Variants in DYDC1 observed in about 807,000 individuals in gnomAD.
DYDC1 encodes the protein DPY30 domain containing 1, also known as DPY30 domain-containing protein 1.
A neutral mutation model predicts 27.9 loss-of-function variants in DYDC1; 21 were observed. That is an observed-to-expected ratio of 0.75 (90% CI 0.53 to 1.08). The LOEUF is 1.08. Ranked by LOEUF, DYDC1 falls within the 50% of genes least tolerant of loss-of-function variation. The pLI is 0.00. For missense variants in DYDC1, 202 were observed against 205.9 expected (o/e 0.98, Z 0.12); for synonymous variants, 67 against 65.8 (o/e 1.02, Z -0.09).
At chr10:80,341,207 A>G (rs1842305600) in intron 4 of DYDC1, among the ~76,000 whole-genome samples, 1 of 152,054 alleles carries the variant, frequency 6.6e-6, no homozygotes, top group Admixed American at 6.5e-5. Context: ...TGCAGGAAAT[A>G]TGGGTCAAAC....
At chr10:80,356,174 T>A (rs1356188854) in intron 1 of DYDC1, 13 of 905,350 alleles carry the variant, frequency 1.4e-5, no homozygotes, top group Non-Finnish European at 1.7e-5. Flanking sequence ...GCCTGCCAAC[T>A]CCCTTAGCAT....
chr10:80,346,720 G>A (rs547068139), intron 3 of DYDC1, among the ~76,000 whole-genome samples: 21 of 151,240 alleles, frequency 1.4e-4, no homozygotes, highest in Admixed American at 3.3e-4. Flanking sequence ...TCAGCCTCCC[G>A]AAGTGCTGGG....
intron 6 of DYDC1, chr10:80,336,503 G>A (rs939758989): frequency 1.3e-5 from 3 of 224,642 alleles, no homozygotes; most frequent in African/African-American, 2.3e-5. Context: ...TTCACACACT[G>A]CACTCTCTCC....
chr10:80,342,639 T>C (rs1842373931), intron 3 of DYDC1, among the ~76,000 whole-genome samples: 1 of 152,232 alleles, frequency 6.6e-6, no homozygotes, highest in African/African-American at 2.4e-5. Context: ...TCTTTAAGCA[T>C]AGATGGGTCT....
intron 1 of DYDC1, chr10:80,356,289 T>G (rs1279124053): frequency 2.0e-6 from 2 of 985,478 alleles, no homozygotes; most frequent in African/African-American, 3.5e-5. Context: ...GAAAGCCCTT[T>G]CCCACAGAAA....
At chr10:80,356,658 C>T (rs1843387416) in intron 1 of DYDC1, 54 bp downstream of exon 1, 3 of 983,746 alleles carry the variant, frequency 3.0e-6, no homozygotes, top group South Asian at 9.4e-5. Flanking sequence ...CCGGACCCAG[C>T]GAAGCTAGGG....
chr10:80,355,821 T>C (rs1564669256), intron 1 of DYDC1, among the ~76,000 whole-genome samples: 1 of 152,066 alleles, frequency 6.6e-6, no homozygotes, highest in Non-Finnish European at 1.5e-5. Flanking sequence ...CTGGCACAAA[T>C]GAACCTAATT....
chr10:80,349,282 T>A (rs1342272918), intron 3 of DYDC1, among the ~76,000 whole-genome samples: 2 of 152,252 alleles, frequency 1.3e-5, no homozygotes, highest in Admixed American at 6.5e-5. Flanking sequence ...AAAACTTTTT[T>A]AAATTCTCAA....
Position 80,336,438 on chromosome 10 carries a change from T to C in DYDC1, c.505-253A>G, listed in dbSNP as rs74832217. On this transcript the variant is annotated intron_variant, in intron 6 of 6. Transcript: ENST00000372202. Reference sequence around the variant, plus strand: ...TCCTTCTTGTAGGCTCCTCTTCCTGTGGCCATCCCTTCAATGTTAGAATTG... The same window carrying C: ...TCCTTCTTGTAGGCTCCTCTTCCTGCGGCCATCCCTTCAATGTTAGAATTG... 4.0e-4 allele frequency: 314 copies of C among 785,386 alleles called. 2 individuals are homozygous for C. The East Asian group carries it at 0.029, about 72-fold the overall frequency. 48.7% of individuals were successfully genotyped at this position (785,386 alleles called of 1,614,324 possible). A position where few individuals can be genotyped will look rare whatever the true frequency, so the allele number is the denominator to read the frequency against.
chr10:80,344,451 T>C (rs1209755734), intron 3 of DYDC1, among the ~76,000 whole-genome samples: 1 of 152,206 alleles, frequency 6.6e-6, no homozygotes, highest in Middle Eastern at 3.2e-3. Flanking sequence ...CAGACAGATG[T>C]TCCCAACACT....
intron 3 of DYDC1, among the ~76,000 whole-genome samples, chr10:80,349,190 CCGCAGATAAATATTTTAAAAT>C (rs1297700599): frequency 2.0e-5 from 3 of 152,180 alleles, no homozygotes; most frequent in Admixed American, 6.5e-5. Context: ...CGCGCCCGGC[CCGCAGATAAATATTTTAAAAT>C]AGATTTTGAT....
intron 4 of DYDC1, 94 bp downstream of exon 4, chr10:80,342,175 A>G (rs1310524109): frequency 7.2e-6 from 9 of 1,253,516 alleles, no homozygotes; most frequent in Non-Finnish European, 1.0e-5. Flanking sequence ...TCAGACTACA[A>G]ATCCCATGGT....
At chr10:80,342,024 CAAAAA>C (rs60594545) in intron 4 of DYDC1, among the ~76,000 whole-genome samples, 2 of 108,952 alleles carry the variant, frequency 1.8e-5, no homozygotes. Flanking sequence ...GACTCCGTCT[CAAAAA>C]AAAAAAAAAA....
chr10:80,345,966 T>G (rs1842595182), intron 3 of DYDC1, among the ~76,000 whole-genome samples: 2 of 152,208 alleles, frequency 1.3e-5, no homozygotes, highest in Admixed American at 1.3e-4. Context: ...CTCAGCTTCC[T>G]GAGTAGCTGG....
chr10:80,341,880 C>T (rs747197143), intron 4 of DYDC1, among the ~76,000 whole-genome samples: 1 of 151,970 alleles, frequency 6.6e-6, no homozygotes, highest in Non-Finnish European at 1.5e-5. Context: ...CAAAATCAGC[C>T]GGGCGTGGTG....
At chr10:80,352,078 TA>T (rs1843025534) in intron 2 of DYDC1, 76 bp from the exon 3 acceptor site, 1 of 1,348,032 alleles carries the variant, frequency 7.4e-7, no homozygotes, top group Non-Finnish European at 1.1e-6. Flanking sequence ...TGAAAGCACT[TA>T]ATAGGAACAA....
At chr10:80,336,027 T>C, downstream of DYDC1, 1 of 645,202 alleles carries the variant, frequency 1.5e-6, no homozygotes, top group Non-Finnish European at 2.7e-6. Context: ...TTGAAGCCCA[T>C]TCATAAGCAG....
intron 6 of DYDC1, chr10:80,336,391 C>T: frequency 1.0e-6 from 1 of 963,476 alleles, no homozygotes; most frequent in South Asian, 4.8e-5. Flanking sequence ...CTTTCTTCTA[C>T]TTCTCTTACT....
intron 6 of DYDC1, chr10:80,336,453 T>C (rs1842138108): frequency 1.5e-6 from 1 of 665,224 alleles, no homozygotes; most frequent in South Asian, 6.8e-5. Context: ...ATCCCTTCAA[T>C]GTTAGAATTG....
Sources: allele counts gnomAD v4.1 joint callset (sites outside exome capture counted in the v4.1 genomes callset), GRCh38; gene constraint gnomAD v4.1.1; transcripts MANE v1.5; gene names NCBI Gene and HGNC (gene_info 2026-07-23, HGNC 2026-07-21).